KIF5A: variants seen among roughly 807,000 people sequenced by gnomAD.
KIF5A encodes kinesin heavy chain isoform 5A.
A neutral mutation model predicts 141.3 loss-of-function variants in KIF5A; 35 were observed. The observed-to-expected ratio is 0.25, with a 90% CI of 0.19 to 0.33. The LOEUF is 0.33. Ranked by LOEUF, KIF5A falls within the 10% of genes least tolerant of loss-of-function variation. The pLI is 1.00. For missense variants in KIF5A, 861 were observed against 1,314.3 expected (o/e 0.66, Z 5.33); for synonymous variants, 448 against 500.2 (o/e 0.90, Z 1.39).
At chr12:57,557,558 GT>G (rs888967841) in intron 1 of KIF5A, among the ~76,000 whole-genome samples, 7 of 151,530 alleles carry the variant, frequency 4.6e-5, no homozygotes, top group African/African-American at 1.7e-4. Context: ...TTTTTCCAGT[GT>G]TTTTTCTACA....
chr12:57,577,570 A>G, intron 20 of KIF5A, 143 bp from the exon 21 acceptor site: 2 of 734,370 alleles, frequency 2.7e-6, no homozygotes, highest in East Asian at 5.5e-5. Flanking sequence ...TACTCTATCT[A>G]GCCTAGGTAA....
intron 1 of KIF5A, among the ~76,000 whole-genome samples, chr12:57,554,788 G>A (rs569343202): frequency 6.6e-6 from 1 of 152,286 alleles, no homozygotes; most frequent in African/African-American, 2.4e-5. Flanking sequence ...GAAAAAGAGG[G>A]AGAGCAAGAG....
At chr12:57,578,209 G>T (rs779408433) in intron 22 of KIF5A, 29 bp from the exon 23 acceptor site, 3 of 1,603,302 alleles carry the variant, frequency 1.9e-6, no homozygotes, top group Non-Finnish European at 2.6e-6. Context: ...CCTCAGGACA[G>T]CCACGTCTTT....
At chr12:57,574,146 T>C (rs1882348652) in intron 15 of KIF5A, among the ~76,000 whole-genome samples, 1 of 151,034 alleles carries the variant, frequency 6.6e-6, no homozygotes, top group Non-Finnish European at 1.5e-5. Flanking sequence ...AGGTGGGGCA[T>C]AGGCACAGAG....
intron 1 of KIF5A, among the ~76,000 whole-genome samples, chr12:57,552,330 A>G (rs1240082272): frequency 1.3e-5 from 2 of 152,080 alleles, no homozygotes; most frequent in African/African-American, 2.4e-5. Context: ...TAAACAGGAG[A>G]GACACACAGT....
intron 12 of KIF5A, 65 bp from the exon 13 acceptor site, chr12:57,571,256 C>T (rs1882246051): frequency 9.9e-7 from 1 of 1,005,756 alleles, no homozygotes; most frequent in Non-Finnish European, 1.6e-6. Context: ...TACCCCCAAA[C>T]TTCTTACGTC....
chr12:57,576,419 T>C, intron 19 of KIF5A, 41 bp downstream of exon 19: 2 of 1,478,824 alleles, frequency 1.4e-6, no homozygotes, highest in Non-Finnish European at 1.9e-6. Context: ...TCCCGGGTCC[T>C]GTCACCTTGC....
Position 57,572,641 on chromosome 12 carries a change from G to A in KIF5A, c.1631G>A (p.Arg544Gln), listed in dbSNP as rs778864713. 30 of 1,614,218 alleles carry A rather than the reference G, an allele frequency of 1.9e-5. No individual in the cohort carries two copies. The highest frequency in any genetic ancestry group is 2.2e-5 in the Non-Finnish European group (26 of 1,180,046). ...CTACAGGAGGTCAGTGGACACCAGC[G>A]AAAACGAATTGCTGAGGTGCTGAAC... is the stretch of plus-strand genomic sequence containing the variant. ...QRLQEVSGHQRKRIAEVLNGL... is the reference protein window; with the variant it reads ...QRLQEVSGHQQKRIAEVLNGL... The change falls in exon 15 of 29, where the codon CGA becomes CAA. Residue 544 changes from arginine (R) to glutamine (Q), a missense_variant. Physicochemically the swap from Arg to Gln is conservative, Grantham distance 43. Around this residue, in one of 5 missense-constraint regions of KIF5A, gnomAD observed 482 missense variants for 661.3 expected, o/e 0.73. Coordinates refer to ENST00000455537, the MANE Select transcript of KIF5A (RefSeq NM_004984.4). The surrounding 1 kb of genome is among the most constrained non-coding windows in gnomAD (Gnocchi z 4.2).
chr12:57,563,754 T>G, intron 3 of KIF5A, 61 bp downstream of exon 3: 1 of 1,448,282 alleles, frequency 6.9e-7, no homozygotes, highest in Non-Finnish European at 9.7e-7. Flanking sequence ...TCAGGGAATC[T>G]CAGTGGGGGA....
Position 57,567,148 on chromosome 12 carries a change from C to G in KIF5A, c.524C>G (p.Ser175Cys). The change falls in exon 7 of 29, where the codon TCC (serine) becomes TGC (cysteine). Residue 175 changes from serine to cysteine, a missense_variant. Transcript: ENST00000455537. Reference protein sequence around the residue: ...FVKGCTERFVSSPEEILDVID... With the variant: ...FVKGCTERFVCSPEEILDVID... ...CAGGGTTGTACTGAACGCTTTGTGT[C>G]CAGCCCGGAGGAGATTCTGGATGTG... The G allele has an allele frequency of 1.2e-6, 2 of 1,612,842 alleles. No individual in the cohort carries two copies. Among genetic ancestry groups the G allele is most frequent in the Non-Finnish European group, 1.7e-6 (2 of 1,179,180 alleles).
rs377649745 is a variant in KIF5A, at chr12:57,575,660, G to C, written c.1926G>C (p.Ser642=). 6.2e-7 allele frequency: 1 copy of C among 1,613,976 alleles called. No homozygotes were observed. The highest frequency in any genetic ancestry group is 1.3e-5 in the African/African-American group (1 of 74,902). The change falls in exon 17 of 29, where the codon TCG becomes TCC. Residue 642 remains serine (S), a synonymous_variant. Coordinates refer to ENST00000455537, the MANE Select transcript of KIF5A (RefSeq NM_004984.4). ...ACCAGCATGAGGCCAAGATCCGCTC[G>C]CTTACGGAATACATGCAGAGCGTGG... ...LISQHEAKIR[S]LTEYMQSVEL...
intron 1 of KIF5A, among the ~76,000 whole-genome samples, chr12:57,553,576 G>A (rs949622578): frequency 4.6e-5 from 7 of 152,158 alleles, no homozygotes; most frequent in African/African-American, 1.4e-4. Context: ...CCCCACGGGT[G>A]TCACTATGGA....
intron 17 of KIF5A, 98 bp from the exon 18 acceptor site, chr12:57,575,989 G>C: frequency 8.6e-7 from 1 of 1,163,128 alleles, no homozygotes; most frequent in Non-Finnish European, 1.3e-6. Context: ...CATCCCTGTG[G>C]GTCCATTCCC....
rs534397349 is a variant in KIF5A at position 57,585,860 on chromosome 12, C to G, written c.*1679C>G. 1 of 150,256 alleles carries G rather than the reference C, an allele frequency of 6.7e-6. No homozygotes were observed. Among genetic ancestry groups the G allele is most frequent in the East Asian group, 1.9e-4 (1 of 5,136 alleles). The allele number at this position is 150,256 out of a possible 1,614,324, so 9.3% of individuals were successfully genotyped here. On this transcript the variant is annotated 3_prime_UTR_variant, in exon 29 of 29. Transcript: ENST00000455537. Reference sequence around the variant, plus strand: ...TTTTAAATGTTTTTCAAAAACAAATCTTACATAGAACCCCAATATAAAAAA... The same window carrying G: ...TTTTAAATGTTTTTCAAAAACAAATGTTACATAGAACCCCAATATAAAAAA...
Position 57,575,119 on chromosome 12 carries a change from C to T in KIF5A, c.1752C>T (p.Phe584=). Residue 584 remains phenylalanine, a synonymous_variant, in exon 16 of 29, where the codon TTC becomes TTT. Transcript: ENST00000455537. The part of the protein sequence containing the change: ...VEISGAIEEE[F]TVARLYISKI... ...TCAGTGGGGCCATCGAGGAGGAGTT[C>T]ACTGTGGCCCGACTCTACATCAGCA... 1 of 1,614,030 alleles carries T rather than the reference C, an allele frequency of 6.2e-7. No homozygotes were observed. Among genetic ancestry groups the T allele is most frequent in the Middle Eastern group, 1.6e-4 (1 of 6,062 alleles).
At chr12:57,571,193 G>A in intron 12 of KIF5A, 128 bp from the exon 13 acceptor site, 1 of 710,928 alleles carries the variant, frequency 1.4e-6, no homozygotes. Flanking sequence ...GTAGGATATG[G>A]GGTTTCTAAC....
chr12:57,563,828 AG>A lies in KIF5A; in HGVS notation c.291+138del. The A allele has an allele frequency of 4.7e-6, 4 of 842,248 alleles. 1 individual carries two copies. In the Admixed American group the frequency reaches 7.6e-5, roughly 16 times the overall value. 52.2% of individuals were successfully genotyped at this position (842,248 alleles called of 1,614,324 possible). The stretch of plus-strand genomic sequence containing the variant: ...TAGATGAGTACAGAGGATGAACTGA[AG>A]GGCAATATTAGGGGAAGTTTAATGG... On this transcript the variant is annotated intron_variant, in intron 3 of 28. Coordinates refer to ENST00000455537, the MANE Select transcript of KIF5A (RefSeq NM_004984.4).
At chr12:57,560,771 G>A (rs1483176144) in intron 1 of KIF5A, among the ~76,000 whole-genome samples, 2 of 152,124 alleles carry the variant, frequency 1.3e-5, no homozygotes, top group African/African-American at 2.4e-5. Context: ...GGAGGCTGAG[G>A]TGGGTGGATT....
chr12:57,550,097 A>G lies in KIF5A; in HGVS notation c.-175A>G. 3.8e-6 allele frequency: 3 copies of G among 787,880 alleles called. No homozygotes were observed. Among genetic ancestry groups the G allele is most frequent in the Non-Finnish European group, 6.2e-6 (3 of 480,480 alleles). The allele number at this position is 787,880 out of a possible 1,614,324, so 48.8% of individuals were successfully genotyped here. ...GTCGCCCGCATCCCGCTGCCGCAGGAGAGAGACAGCGCGCCCCGGCCCTGC... is the reference window on the plus strand; with the variant it reads ...GTCGCCCGCATCCCGCTGCCGCAGGGGAGAGACAGCGCGCCCCGGCCCTGC... On this transcript the variant is annotated 5_prime_UTR_variant, in exon 1 of 29. Transcript: ENST00000455537. This position sits in a 1 kb window ranked among gnomAD's most constrained non-coding sequence, Gnocchi z 4.6.
Sources: gnomAD v4.1 joint callset for allele counts (sites outside exome capture counted in the v4.1 genomes callset) on GRCh38, gnomAD v4.1.1 for gene constraint, gnomAD v4.1.1 regional missense constraint, Gnocchi (gnomAD v3.1) non-coding constraint, MANE v1.5 for transcripts, NCBI Gene and HGNC (gene_info 2026-07-23, HGNC 2026-07-21) for gene names.